The following MTA1 variants were observed in gnomAD, a reference collection of about 807,000 sequenced individuals.
The protein encoded by MTA1 is metastasis-associated protein MTA1.
MTA1 carries 15 observed loss-of-function variants against 97.0 expected under a neutral mutation model. That is an observed-to-expected ratio of 0.15 (90% confidence interval 0.10 to 0.24). The LOEUF (loss-of-function observed/expected upper bound fraction) is 0.24. Among genes scored for constraint, MTA1 ranks in the 10% least tolerant of loss-of-function variants. MTA1 has a pLI of 1.00. For synonymous variants in MTA1, 435 were observed against 417.5 expected, an observed-to-expected ratio of 1.04 and a Z score of -0.51; for missense variants, 709 against 1,015.1, an observed-to-expected ratio of 0.70 and a Z score of 4.10.
At chr14:105,454,146 C>A in intron 6 of MTA1, 47 bp from the exon 7 acceptor site, 1 of 1,467,788 alleles carries the variant, frequency 6.8e-7, no homozygotes, top group Non-Finnish European at 9.5e-7. Flanking sequence ...ACCCTCCCAG[C>A]AGCCTGACTG....
Position 105,465,136 on chromosome 14 carries a change from T to A in MTA1, c.1577T>A (p.Leu526Gln), listed in dbSNP as rs782473382. ...LPEASQSPLVLKQAVRKPLEA... is the reference protein window; with the variant it reads ...LPEASQSPLVQKQAVRKPLEA... Reference sequence around the variant, plus strand: ...GAAGCCTCCCAGAGCCCGCTGGTGCTGAAGCAGGCGGTACGCAAGCCGCTG... The same window carrying A: ...GAAGCCTCCCAGAGCCCGCTGGTGCAGAAGCAGGCGGTACGCAAGCCGCTG... The change falls in exon 16 of 21, where the codon CTG becomes CAG. Residue 526 changes from leucine (L) to glutamine (Q), a missense_variant. Physicochemically the swap from Leu to Gln is moderately radical, Grantham distance 113. This residue lies in a region of MTA1 where 388 missense variants were observed against 421.6 expected (regional missense o/e 0.92). Transcript: ENST00000331320. The A allele has an allele frequency of 1.0e-5, 16 of 1,524,402 alleles. No individual in the cohort carries two copies. The highest frequency in any genetic ancestry group is 1.4e-5 in the African/African-American group (1 of 72,590). The allele number at this position is 1,524,402 out of a possible 1,614,324, so 94.4% of individuals were successfully genotyped here. A position where few individuals can be genotyped will look rare whatever the true frequency, so the allele number is the denominator to read the frequency against.
chr14:105,468,073 G>A (rs1254137522), intron 18 of MTA1: 14 of 352,774 alleles, frequency 4.0e-5, no homozygotes, highest in South Asian at 8.4e-5. Flanking sequence ...GGACCTGGGC[G>A]CTGGAGAGGG....
intron 10 of MTA1, among the ~76,000 whole-genome samples, chr14:105,462,491 C>T (rs1276441088): frequency 2.6e-5 from 4 of 151,728 alleles, no homozygotes; most frequent in Non-Finnish European, 4.4e-5. Context: ...ATCACTTGAA[C>T]CCCCGGGGGT....
chr14:105,439,212 C>T (rs920839102), intron 2 of MTA1, among the ~76,000 whole-genome samples: 2 of 130,354 alleles, frequency 1.5e-5, no homozygotes, highest in Non-Finnish European at 3.5e-5. Context: ...TCAGGCAGCC[C>T]TGCAGGGCTG....
At chr14:105,448,047 G>A (rs1414505037) in intron 3 of MTA1, among the ~76,000 whole-genome samples, 1 of 152,156 alleles carries the variant, frequency 6.6e-6, no homozygotes, top group Non-Finnish European at 1.5e-5. Flanking sequence ...TGGCCCCTGT[G>A]GCAGAGAAGC....
intron 1 of MTA1, among the ~76,000 whole-genome samples, chr14:105,430,621 C>T (rs782102486): frequency 4.6e-5 from 7 of 152,148 alleles, no homozygotes; most frequent in Non-Finnish European, 8.8e-5. Flanking sequence ...TTGTAAGAAA[C>T]ACAATACCTG....
Position 105,422,220 on chromosome 14 carries a change from C to T in MTA1, c.28+2157C>T, listed in dbSNP as rs1380255356. 1.3e-5 allele frequency among the ~76,000 whole-genome samples: 2 copies of T among 152,146 alleles called. No homozygotes were observed. The highest frequency in any genetic ancestry group is 4.8e-5 in the African/African-American group (2 of 41,454). The stretch of plus-strand genomic sequence containing the variant: ...TCCCTATAGGAGAAGCGGCATTTAT[C>T]CCTGGCTTCTGGACCGGAACCCTGG... On this transcript the variant is annotated intron_variant, in intron 1 of 20. Coordinates refer to ENST00000331320, the MANE Select transcript of MTA1 (RefSeq NM_004689.4). The surrounding 1 kb of genome is among the most constrained non-coding windows in gnomAD (Gnocchi z 4.3).
At chr14:105,444,911 G>A (rs1040147961) in intron 2 of MTA1, among the ~76,000 whole-genome samples, 17 of 152,114 alleles carry the variant, frequency 1.1e-4, no homozygotes, top group African/African-American at 3.9e-4. Flanking sequence ...GAAAACATAC[G>A]TGCTTCTCTG....
Position 105,453,763 on chromosome 14 carries a change from A to G in MTA1, c.433-430A>G, listed in dbSNP as rs140560560. 2.7e-3 allele frequency among the ~76,000 whole-genome samples: 411 copies of G among 152,312 alleles called. 3 individuals are homozygous for G. The highest frequency in any genetic ancestry group is 9.3e-3 in the African/African-American group (388 of 41,576). The stretch of plus-strand genomic sequence containing the variant: ...GAAACGGAGGTTGCAGTGAGCCGAG[A>G]TCACGCCATTGCACTCCAACCTGGG... On this transcript the variant is annotated intron_variant, in intron 6 of 20. Coordinates refer to ENST00000331320, the MANE Select transcript of MTA1 (RefSeq NM_004689.4).
In MTA1 at chr14:105,463,204, C is replaced by T. The variant is rs781839011; in HGVS notation, c.963C>T (p.Thr321=). 1.2e-6 allele frequency: 2 copies of T among 1,611,672 alleles called. No individual in the cohort carries two copies. The highest frequency in any genetic ancestry group is 1.7e-6 in the Non-Finnish European group (2 of 1,179,864). Residue 321 remains threonine (T), a synonymous_variant, in exon 11 of 21, where the codon ACC becomes ACT. Coordinates refer to ENST00000331320, the MANE Select transcript of MTA1 (RefSeq NM_004689.4). This position sits in a 1 kb window ranked among gnomAD's most constrained non-coding sequence, Gnocchi z 5.9. ...QQDFLPWKSL[T]SIIEYYYMWK... is the part of the protein sequence containing the mutation. ...CCCAGCTCCCGTGGAAGTCGCTGAC[C>T]AGCATCATTGAGTACTACTACATGT... is the stretch of plus-strand genomic sequence containing the variant.
rs1401053732 is a variant in MTA1 at position 105,469,576 on chromosome 14, G to A, written c.1845+78G>A. On this transcript the variant is annotated intron_variant, in intron 19 of 20. Transcript: ENST00000331320. ...GGGGTGTTGGGAAGAGGCCTGGCCA[G>A]CCCTGCCAGGTGCCACGTGGAAGCT... 2.6e-6 allele frequency: 4 copies of A among 1,530,606 alleles called. No individual in the cohort carries two copies. The African/African-American group carries it at 4.1e-5, about 16-fold the overall frequency. 94.8% of individuals were successfully genotyped at this position (1,530,606 alleles called of 1,614,324 possible).
At chr14:105,465,310 A>G (rs963479840) in intron 16 of MTA1, 127 bp downstream of exon 16, 27 of 797,586 alleles carry the variant, frequency 3.4e-5, no homozygotes, top group African/African-American at 5.3e-5. Context: ...AGGGCCTGGA[A>G]CTGTCCTTTT....
At chr14:105,446,517 C>T (rs587737504) in intron 3 of MTA1, among the ~76,000 whole-genome samples, 1 of 152,170 alleles carries the variant, frequency 6.6e-6, no homozygotes, top group Non-Finnish European at 1.5e-5. Context: ...TCTTCTGCCC[C>T]GTCCCAGCGC....
At chr14:105,451,877 G>A (rs1033660714) in intron 6 of MTA1, among the ~76,000 whole-genome samples, 19 of 137,950 alleles carry the variant, frequency 1.4e-4, no homozygotes, top group African/African-American at 4.7e-4. Context: ...TGCAACCTCC[G>A]CCTCCCGGGT....
intron 2 of MTA1, among the ~76,000 whole-genome samples, chr14:105,442,536 G>GA (rs1215725127): frequency 2.0e-5 from 3 of 152,232 alleles, no homozygotes; most frequent in Admixed American, 6.5e-5. Context: ...GGCAAGTGGA[G>GA]AAAAAAGACG....
chr14:105,436,075 C>A (rs1388797133), intron 1 of MTA1, among the ~76,000 whole-genome samples: 1 of 152,188 alleles, frequency 6.6e-6, no homozygotes, highest in African/African-American at 2.4e-5. Flanking sequence ...TTGAGACCAG[C>A]CTGGCCAACA....
In MTA1 at chr14:105,460,424, G is replaced by A. The variant is rs781867642; in HGVS notation, c.720G>A (p.Met240Ile). 1.2e-6 allele frequency: 2 copies of A among 1,611,504 alleles called. No individual in the cohort carries two copies. Among genetic ancestry groups the A allele is most frequent in the South Asian group, 1.1e-5 (1 of 90,934 alleles). Reference sequence around the variant, plus strand: ...CCGTCCGACAGCCCAGCCTGCACATGAGCGCCGCAGCTGCCTCCCGAGACA... The same window carrying A: ...CCGTCCGACAGCCCAGCCTGCACATAAGCGCCGCAGCTGCCTCCCGAGACA... Reference protein sequence around the residue: ...SSSVRQPSLHMSAAAASRDIT... With the variant: ...SSSVRQPSLHISAAAASRDIT... Residue 240 changes from methionine (M) to isoleucine (I), a missense_variant, in exon 9 of 21, where the codon ATG (methionine) becomes ATA (isoleucine). By Grantham distance (10) the Met-to-Ile change is conservative. Around this residue, in one of 2 missense-constraint regions of MTA1, gnomAD observed 321 missense variants for 593.5 expected, o/e 0.54. Transcript: ENST00000331320.
rs782727806 is a variant in MTA1 at position 105,463,271 on chromosome 14, G to A, written c.1017+13G>A. ...ATACGTGCAGCAGGTGAGCCCGCCC[G>A]CCACTCAGTGCCCGGGGTGTGCCGC... On this transcript the variant is annotated intron_variant, in intron 11 of 20. Transcript: ENST00000331320. The surrounding 1 kb of genome is among the most constrained non-coding windows in gnomAD (Gnocchi z 5.9). 1.2e-6 allele frequency: 2 copies of A among 1,610,098 alleles called. No individual in the cohort carries two copies. The highest frequency in any genetic ancestry group is 1.1e-5 in the South Asian group (1 of 90,968).
intron 1 of MTA1, among the ~76,000 whole-genome samples, chr14:105,436,251 C>A (rs1340150009): frequency 6.6e-6 from 1 of 152,160 alleles, no homozygotes; most frequent in South Asian, 2.1e-4. Context: ...CCAGCCTGGG[C>A]AACAAGAGCG....
Sources: gnomAD v4.1 joint callset for allele counts (sites outside exome capture counted in the v4.1 genomes callset) on GRCh38, gnomAD v4.1.1 for gene constraint, gnomAD v4.1.1 regional missense constraint, Gnocchi (gnomAD v3.1) non-coding constraint, MANE v1.5 for transcripts, NCBI Gene and HGNC (gene_info 2026-07-23, HGNC 2026-07-21) for gene names.